The following CIRSR variants were observed in gnomAD, a reference collection of about 807,000 sequenced individuals.
CIRSR encodes corepressor of RBPJ and splicing regulator.
chr2:174,353,424 G>A, the CIRSR span, among the ~76,000 whole-genome samples: 1 of 151,978 alleles, frequency 6.6e-6, no homozygotes, highest in Admixed American at 6.6e-5. Flanking sequence ...TATTAATACT[G>A]GTTGCCTCTA....
the CIRSR span, among the ~76,000 whole-genome samples, chr2:174,392,212 G>C: frequency 6.6e-6 from 1 of 152,130 alleles, no homozygotes; most frequent in Non-Finnish European, 1.5e-5. Flanking sequence ...TGGCCAGGCT[G>C]TCTTGAATTC....
At chr2:174,387,844 C>A in the CIRSR span, 1 of 1,379,516 alleles carries the variant, frequency 7.2e-7, no homozygotes, top group Non-Finnish European at 9.9e-7. Flanking sequence ...CTTTGCTTTT[C>A]TTGTATAATA....
At chr2:174,378,930 A>G in the CIRSR span, 1 of 1,610,040 alleles carries the variant, frequency 6.2e-7, no homozygotes, top group Non-Finnish European at 8.5e-7. Flanking sequence ...TACCTGAGCC[A>G]TCAGTGGGAA....
chr2:174,391,652 C>T, the CIRSR span, among the ~76,000 whole-genome samples: 1 of 151,928 alleles, frequency 6.6e-6, no homozygotes, highest in East Asian at 1.9e-4. Flanking sequence ...AGGAGAAAAA[C>T]GATGGAGTGA....
At chr2:174,356,582 A>G in the CIRSR span, among the ~76,000 whole-genome samples, 1 of 120,706 alleles carries the variant, frequency 8.3e-6, no homozygotes, top group African/African-American at 2.7e-5. Flanking sequence ...AAGAAAGGAA[A>G]GAAAGAAAGA....
the CIRSR span, among the ~76,000 whole-genome samples, chr2:174,356,531 A>AAAGGAAGG: frequency 2.5e-4 from 33 of 133,568 alleles, no homozygotes; most frequent in Non-Finnish European, 3.4e-4. Context: ...AAGAAAGAAG[A>AAAGGAAGG]AAGGAAGGAA....
the CIRSR span, among the ~76,000 whole-genome samples, chr2:174,370,884 C>A: frequency 7.0e-6 from 1 of 143,884 alleles, no homozygotes; most frequent in Non-Finnish European, 1.5e-5. Context: ...GCAATCCATC[C>A]TGGGTGACAG....
the CIRSR span, among the ~76,000 whole-genome samples, chr2:174,384,733 A>G: frequency 6.6e-6 from 1 of 151,322 alleles, no homozygotes; most frequent in Non-Finnish European, 1.5e-5. Flanking sequence ...ATTTATATTG[A>G]AAAAAAATAA....
the CIRSR span, among the ~76,000 whole-genome samples, chr2:174,391,375 A>C: frequency 6.6e-6 from 1 of 152,194 alleles, no homozygotes; most frequent in African/African-American, 2.4e-5. Context: ...AGATCACCTT[A>C]AGTCAGGAGT....
chr2:174,391,531 A>C, the CIRSR span, among the ~76,000 whole-genome samples: 1 of 152,190 alleles, frequency 6.6e-6, no homozygotes, highest in African/African-American at 2.4e-5. Flanking sequence ...TAGAGGCTTC[A>C]GTGAGCTGAG....
At chr2:174,385,331 G>A in the CIRSR span, among the ~76,000 whole-genome samples, 1 of 149,904 alleles carries the variant, frequency 6.7e-6, no homozygotes, top group Non-Finnish European at 1.5e-5. Context: ...AAACAAAAGA[G>A]AAACAATAGA....
chr2:174,362,366 A>ATAACT, the CIRSR span, among the ~76,000 whole-genome samples: 56,089 of 151,492 alleles, frequency 0.37, 11,184 homozygotes, highest in South Asian at 0.47. Context: ...GAAATATATA[A>ATAACT]TAAACTGAAA....
chr2:174,395,697 C>T, the CIRSR span: 1 of 1,612,702 alleles, frequency 6.2e-7, no homozygotes, highest in Non-Finnish European at 8.5e-7. Flanking sequence ...CTAACCGGAA[C>T]TGCGTTTCCA....
At chr2:174,358,140 C>G in the CIRSR span, 1 of 152,098 alleles carries the variant, frequency 6.6e-6, no homozygotes, top group Non-Finnish European at 1.5e-5. Flanking sequence ...GGAAAGTACA[C>G]AAAGGCAAAG....
chr2:174,361,392 G>C, the CIRSR span, among the ~76,000 whole-genome samples: 10 of 152,212 alleles, frequency 6.6e-5, no homozygotes, highest in Non-Finnish European at 1.3e-4. Flanking sequence ...AACTGAGTTT[G>C]TCATCTTTCT....
the CIRSR span, among the ~76,000 whole-genome samples, chr2:174,371,416 G>T: frequency 1.3e-5 from 2 of 152,124 alleles, no homozygotes; most frequent in Non-Finnish European, 2.9e-5. Context: ...AAGAATAAGG[G>T]CTATAGAATA....
the CIRSR span, among the ~76,000 whole-genome samples, chr2:174,376,187 G>T: frequency 1.3e-5 from 2 of 152,142 alleles, no homozygotes; most frequent in East Asian, 3.9e-4. Context: ...TATGTTAGGG[G>T]TATCCGCCTC....
chr2:174,381,495 A>G, the CIRSR span, among the ~76,000 whole-genome samples: 1 of 152,038 alleles, frequency 6.6e-6, no homozygotes, highest in Non-Finnish European at 1.5e-5. Context: ...TCTATTAAAG[A>G]TACAAAAATT....
chr2:174,366,849 G>A, the CIRSR span, among the ~76,000 whole-genome samples: 1 of 152,240 alleles, frequency 6.6e-6, no homozygotes, highest in Admixed American at 6.5e-5. Flanking sequence ...CCATGAAATT[G>A]TATAGTATTC....
Sources: allele counts gnomAD v4.1 joint callset (sites outside exome capture counted in the v4.1 genomes callset), GRCh38; gene constraint gnomAD v4.1.1; transcripts MANE v1.5; gene names NCBI Gene and HGNC (gene_info 2026-07-23, HGNC 2026-07-21).